Variants in CFHR4 observed in about 807,000 individuals in gnomAD.
CFHR4 encodes complement factor H related 4.
Under a neutral mutation model 69.3 loss-of-function variants are expected in CFHR4, and 64 were observed. The ratio of observed to expected loss-of-function variants is 0.92; its 90% CI spans 0.76 to 1.14. The LOEUF (loss-of-function observed/expected upper bound fraction) is 1.14, where lower values mean the gene tolerates loss of function less well. CFHR4 is among the 50% of genes most tolerant of loss of function. The probability of loss-of-function intolerance (pLI) is 0.00; values close to 1 mark genes in which losing one functional copy is unlikely to be tolerated. For synonymous variants in CFHR4, 244 were observed against 237.0 expected (o/e 1.03, Z -0.27); for missense variants, 636 against 684.9 (o/e 0.93, Z 0.80).
chr1:196,888,474 A>C (rs1029882264), intron 1 of CFHR4, among the ~76,000 whole-genome samples: 2 of 151,338 alleles, frequency 1.3e-5, no homozygotes, highest in African/African-American at 4.9e-5. Context: ...GAGATATATG[A>C]ATATACTCAT....
chr1:196,914,392 GCA>G, intron 7 of CFHR4, 101 bp from the exon 8 acceptor site: 2 of 1,219,252 alleles, frequency 1.6e-6, no homozygotes, highest in Non-Finnish European at 2.2e-6. Flanking sequence ...CAATTTATTA[GCA>G]CACACTGATT....
intron 9 of CFHR4, among the ~76,000 whole-genome samples, chr1:196,915,424 T>A (rs1658549588): frequency 6.6e-6 from 1 of 151,216 alleles, no homozygotes; most frequent in Admixed American, 6.6e-5. Context: ...GATCACGAGG[T>A]CAGGAGTTCG....
chr1:196,903,076 A>G (rs531275486), intron 2 of CFHR4, among the ~76,000 whole-genome samples: 8 of 151,484 alleles, frequency 5.3e-5, no homozygotes, highest in African/African-American at 1.9e-4. Flanking sequence ...GAGAATGGAT[A>G]TAATAAAAAA....
intron 9 of CFHR4, among the ~76,000 whole-genome samples, chr1:196,917,015 T>C (rs1658675942): frequency 6.6e-6 from 1 of 151,598 alleles, no homozygotes; most frequent in South Asian, 2.1e-4. Context: ...GGAGAAGTAT[T>C]TAGAGTTCAA....
chr1:196,895,509 T>C (rs1037029962), intron 1 of CFHR4, among the ~76,000 whole-genome samples: 1 of 151,590 alleles, frequency 6.6e-6, no homozygotes, highest in African/African-American at 2.4e-5. Flanking sequence ...TTGGTTTTTC[T>C]AAAATTGTTA....
At chr1:196,894,460 A>T (rs1657186751) in intron 1 of CFHR4, among the ~76,000 whole-genome samples, 1 of 151,244 alleles carries the variant, frequency 6.6e-6, no homozygotes, top group Non-Finnish European at 1.5e-5. Flanking sequence ...ACCCTTCAGG[A>T]CTCTATTAGA....
intron 7 of CFHR4, 69 bp downstream of exon 7, chr1:196,912,991 T>A: frequency 6.2e-7 from 1 of 1,601,634 alleles, no homozygotes; most frequent in South Asian, 1.1e-5. Flanking sequence ...GATAGTGTTT[T>A]ACTTAAAAAT....
chr1:196,902,353 T>C, intron 1 of CFHR4, 65 bp from the exon 2 acceptor site: 2 of 1,112,796 alleles, frequency 1.8e-6, no homozygotes, highest in African/African-American at 1.6e-5. Context: ...TGATCAAAAA[T>C]GTCATATATG....
intron 1 of CFHR4, among the ~76,000 whole-genome samples, chr1:196,898,880 C>T (rs995185181): frequency 1.1e-4 from 16 of 151,546 alleles, no homozygotes; most frequent in Admixed American, 6.6e-5. Context: ...ACCACATTGT[C>T]CCCTCCACAG....
At chr1:196,915,962 A>G (rs1488530015) in intron 9 of CFHR4, among the ~76,000 whole-genome samples, 1 of 151,648 alleles carries the variant, frequency 6.6e-6, no homozygotes, top group East Asian at 1.9e-4. Context: ...AACACTGAGA[A>G]GTTCTTTCTC....
At chr1:196,901,821 CT>C (rs199689429) in intron 1 of CFHR4, among the ~76,000 whole-genome samples, 3,204 of 150,958 alleles carry the variant, frequency 0.021, 192 homozygotes, top group African/African-American at 0.072. Context: ...AATAAAAATG[CT>C]TATTACACTC....
intron 1 of CFHR4, among the ~76,000 whole-genome samples, chr1:196,889,059 T>C (rs1656884097): frequency 6.6e-6 from 1 of 151,490 alleles, no homozygotes; most frequent in South Asian, 2.1e-4. Context: ...TCACCATTAA[T>C]GAAGAAAACA....
rs1657620239 is a variant in CFHR4 at position 196,901,750 on chromosome 1, G to A, written c.59-668G>A. On this transcript the variant is annotated intron_variant, in intron 1 of 9. Coordinates refer to ENST00000608469, the MANE Select transcript of CFHR4 (RefSeq NM_001201550.3). ...TTCCTCAATAAACTGTAAATATACT[G>A]TAAAAAATATTGTATATAAAACATT... Among the ~76,000 whole-genome samples the A allele has an allele frequency of 2.0e-5, 3 of 150,938 alleles. 1 individual carries two copies. The highest frequency in any genetic ancestry group is 2.0e-4 in the Admixed American group (3 of 15,102).
At position 196,915,063 on chromosome 1, in the gene CFHR4, T is replaced by A; in HGVS notation, c.1465T>A (p.Ser489Thr). 6.2e-7 allele frequency: 1 copy of A among 1,612,994 alleles called. No individual in the cohort carries two copies. ...GTCAAGAGTCGAGTACCAATGCCAGTCCTACTATGAACTTCAGGGTTCTAA... is the reference window on the plus strand; with the variant it reads ...GTCAAGAGTCGAGTACCAATGCCAGACCTACTATGAACTTCAGGGTTCTAA... The part of the protein sequence containing the change: ...PQSRVEYQCQ[S>T]YYELQGSNYV... Residue 489 changes from serine to threonine, a missense_variant, in exon 9 of 10, where the codon TCC becomes ACC. Transcript: ENST00000608469.
At chr1:196,913,045 A>C (rs1200208266) in intron 7 of CFHR4, 123 bp downstream of exon 7, 16 of 1,509,840 alleles carry the variant, frequency 1.1e-5, no homozygotes, top group Non-Finnish European at 1.4e-5. Context: ...ATACTTCTAA[A>C]ACCATTCAAC....
intron 1 of CFHR4, among the ~76,000 whole-genome samples, chr1:196,899,947 G>A (rs1657507060): frequency 6.6e-6 from 1 of 151,526 alleles, no homozygotes; most frequent in African/African-American, 2.4e-5. Flanking sequence ...CGGTTTAGGA[G>A]AAATGCAGTA....
rs749596407 is a variant in CFHR4 at position 196,912,761 on chromosome 1, T to C, written c.1019T>C (p.Ile340Thr). 1.4e-5 allele frequency: 22 copies of C among 1,595,772 alleles called. No individual in the cohort carries two copies. The highest frequency in any genetic ancestry group is 2.3e-5 in the East Asian group (1 of 44,186). The change falls in exon 7 of 10, where the codon ATA becomes ACA. Residue 340 changes from isoleucine (I) to threonine (T), a missense_variant. Physicochemically the swap from Ile to Thr is moderately conservative, Grantham distance 89. Around this residue, in one of 3 missense-constraint regions of CFHR4, gnomAD observed 529 missense variants for 533.2 expected, o/e 0.99. Transcript: ENST00000608469. ...TTAGGAACATGCTCAAAATCAGATA[T>C]AGAAATTGAAAATGGATTCATTTCT... ...PCLRTCSKSD[I>T]EIENGFISES... is the part of the protein sequence containing the mutation.
chr1:196,895,620 G>C (rs1657254456), intron 1 of CFHR4, among the ~76,000 whole-genome samples: 1 of 150,152 alleles, frequency 6.7e-6, no homozygotes, highest in South Asian at 2.1e-4. Context: ...TTCCTTTTCA[G>C]GCTTTCTATC....
Position 196,918,332 on chromosome 1 carries a change from A to C in CFHR4, c.1663A>C (p.Asn555His), listed in dbSNP as rs1317585146. 3 of 1,612,096 alleles carry C rather than the reference A, an allele frequency of 1.9e-6. No homozygotes were observed. Among genetic ancestry groups the C allele is most frequent in the East Asian group, 4.5e-5 (2 of 44,714 alleles). The change falls in exon 10 of 10, where the codon AAT becomes CAT. Residue 555 changes from asparagine to histidine, a missense_variant. Physicochemically the swap from Asn to His is moderately conservative, Grantham distance 68 (BLOSUM62 1). Transcript: ENST00000608469. ...TIEFMCKLGYNANTSVLSFQA... is the reference protein window; with the variant it reads ...TIEFMCKLGYHANTSVLSFQA... ...TGAATTTATGTGTAAATTGGGATATAATGCGAATACATCAGTTCTATCATT... is the reference window on the plus strand; with the variant it reads ...TGAATTTATGTGTAAATTGGGATATCATGCGAATACATCAGTTCTATCATT...
Sources: gnomAD v4.1 joint callset for allele counts (sites outside exome capture counted in the v4.1 genomes callset) on GRCh38, gnomAD v4.1.1 for gene constraint, gnomAD v4.1.1 regional missense constraint, MANE v1.5 for transcripts, NCBI Gene and HGNC (gene_info 2026-07-23, HGNC 2026-07-21) for gene names.